Variants in PRLR observed in about 807,000 individuals in gnomAD.
The protein encoded by PRLR is hPRL receptor.
In PRLR, 13 loss-of-function variants were observed where a neutral mutation model predicts 40.2. The observed-to-expected ratio is 0.32, with a 90% confidence interval of 0.21 to 0.51. PRLR has a LOEUF of 0.51. PRLR is among the 20% of genes least tolerant of loss of function. The pLI is 0.97. For missense variants in PRLR, 656 were observed against 747.3 expected (o/e 0.88, Z 1.42); for synonymous variants, 269 against 278.7 (o/e 0.97, Z 0.35).
chr5:35,154,914 A>G (rs758745935), intron 1 of PRLR, among the ~76,000 whole-genome samples: 1 of 152,022 alleles, frequency 6.6e-6, no homozygotes, highest in Non-Finnish European at 1.5e-5. Flanking sequence ...ACATGTTTTC[A>G]CTTATTAGTG....
chr5:35,228,241 AAAAAAAAAAAAAGC>A (rs1776601771), intron 1 of PRLR, among the ~76,000 whole-genome samples: 1 of 133,026 alleles, frequency 7.5e-6, no homozygotes, highest in Admixed American at 7.6e-5. Context: ...GCAAAAAAAA[AAAAAAAAAAAAAGC>A]AGCATTATTT....
chr5:35,076,952 A>T (rs1212852096), intron 5 of PRLR, among the ~76,000 whole-genome samples: 1 of 152,220 alleles, frequency 6.6e-6, no homozygotes, highest in Non-Finnish European at 1.5e-5. Flanking sequence ...ACTAAGCTTC[A>T]TAAGTGAAGG....
intron 2 of PRLR, among the ~76,000 whole-genome samples, chr5:35,113,796 G>A (rs551372048): frequency 6.6e-6 from 1 of 152,364 alleles, no homozygotes; most frequent in South Asian, 2.1e-4. Flanking sequence ...AGGAGGCCAG[G>A]AGGGGTTGCC....
chr5:35,100,277 A>G (rs1055459084), intron 2 of PRLR, among the ~76,000 whole-genome samples: 1 of 152,154 alleles, frequency 6.6e-6, no homozygotes, highest in African/African-American at 2.4e-5. Context: ...GAAGAAAAAA[A>G]TTTAAAAAAA....
At chr5:35,049,774 AT>A (rs1389932273) in intron 8 of PRLR, among the ~76,000 whole-genome samples, 10 of 151,756 alleles carry the variant, frequency 6.6e-5, no homozygotes, top group Admixed American at 3.9e-4. Context: ...TTGACTAATT[AT>A]TTTTTTCTTC....
chr5:35,213,083 G>C (rs1474934385), intron 1 of PRLR, among the ~76,000 whole-genome samples: 1 of 152,122 alleles, frequency 6.6e-6, no homozygotes, highest in East Asian at 1.9e-4. Context: ...TGAATAATCA[G>C]AGCTACCTAT....
chr5:35,160,516 G>T (rs1774643932), intron 1 of PRLR, among the ~76,000 whole-genome samples: 1 of 152,172 alleles, frequency 6.6e-6, no homozygotes, highest in Non-Finnish European at 1.5e-5. Context: ...CTCCCCAAAA[G>T]TCAACCACCT....
At chr5:35,083,559 GC>G (rs1281900357) in intron 5 of PRLR, among the ~76,000 whole-genome samples, 1 of 149,556 alleles carries the variant, frequency 6.7e-6, no homozygotes, top group East Asian at 2.0e-4. Context: ...TCGCTCTGTG[GC>G]CCAGGCTGGA....
rs1205959629 is a variant in PRLR at position 35,057,630 on chromosome 5, T to C, written c.*7459A>G. 1.3e-5 allele frequency: 2 copies of C among 151,960 alleles called. No homozygotes were observed. The highest frequency in any genetic ancestry group is 2.4e-5 in the African/African-American group (1 of 41,374). 9.4% of individuals were successfully genotyped at this position (151,960 alleles called of 1,614,324 possible). A position where few individuals can be genotyped will look rare whatever the true frequency, so the allele number is the denominator to read the frequency against. On this transcript the variant is annotated 3_prime_UTR_variant, in exon 10 of 10. Coordinates refer to ENST00000618457, the MANE Select transcript of PRLR (RefSeq NM_000949.7). Reference sequence around the variant, plus strand: ...AACTACCCATGTTGTCCCCTCAAAATAGGAGGAGATAAATGAATAAAACCA... The same window carrying C: ...AACTACCCATGTTGTCCCCTCAAAACAGGAGGAGATAAATGAATAAAACCA...
chr5:35,059,114 C>T lies in PRLR; in HGVS notation c.*5975G>A, dbSNP rs1479698030. ...ACTCAGACTACATTTTGAGGTTTATCCAAGTGAAGCGTAATTTGACCATAA... is the reference window on the plus strand; with the variant it reads ...ACTCAGACTACATTTTGAGGTTTATTCAAGTGAAGCGTAATTTGACCATAA... On this transcript the variant is annotated 3_prime_UTR_variant, in exon 10 of 10. Coordinates refer to ENST00000618457, the MANE Select transcript of PRLR (RefSeq NM_000949.7). The T allele has an allele frequency of 2.6e-5, 4 of 152,076 alleles. No homozygotes were observed. Among genetic ancestry groups the T allele is most frequent in the African/African-American group, 7.2e-5 (3 of 41,430 alleles). 9.4% of individuals were successfully genotyped at this position (152,076 alleles called of 1,614,324 possible). A position where few individuals can be genotyped will look rare whatever the true frequency, so the allele number is the denominator to read the frequency against.
At chr5:35,227,344 G>A (rs575289840) in intron 1 of PRLR, among the ~76,000 whole-genome samples, 2 of 152,310 alleles carry the variant, frequency 1.3e-5, no homozygotes, top group East Asian at 3.9e-4. Flanking sequence ...GCCAAAGTCA[G>A]ACAGACCTGG....
intron 9 of PRLR, among the ~76,000 whole-genome samples, chr5:35,067,719 G>T (rs1473370025): frequency 6.6e-6 from 1 of 152,094 alleles, no homozygotes; most frequent in African/African-American, 2.4e-5. Flanking sequence ...GCCCAAATGG[G>T]TCCTGGCAAA....
At chr5:35,148,103 A>G (rs1407814222) in intron 1 of PRLR, among the ~76,000 whole-genome samples, 2 of 152,192 alleles carry the variant, frequency 1.3e-5, no homozygotes, top group African/African-American at 4.8e-5. Flanking sequence ...CTCCCTGAAT[A>G]TGACTACCTT....
chr5:35,114,608 G>A (rs1772896623), intron 2 of PRLR, among the ~76,000 whole-genome samples: 1 of 152,142 alleles, frequency 6.6e-6, no homozygotes, highest in Non-Finnish European at 1.5e-5. Context: ...GCTCTAAGTG[G>A]GCTCCGGGAG....
intron 1 of PRLR, among the ~76,000 whole-genome samples, chr5:35,126,057 A>G (rs1773451717): frequency 6.6e-6 from 1 of 152,228 alleles, no homozygotes; most frequent in Admixed American, 6.5e-5. Flanking sequence ...CTTCAGGGGT[A>G]GCTGCACTTG....
chr5:35,125,415 A>G (rs1365219441), intron 1 of PRLR, among the ~76,000 whole-genome samples: 1 of 152,236 alleles, frequency 6.6e-6, no homozygotes, highest in Non-Finnish European at 1.5e-5. Flanking sequence ...CTAGGGCTAC[A>G]CTAATAATTT....
rs568146064 is a variant in PRLR, at chr5:35,123,864, C to T, written c.-105-5742G>A. 5.0e-4 allele frequency among the ~76,000 whole-genome samples: 76 copies of T among 152,298 alleles called. 1 individual carries two copies. Among genetic ancestry groups the T allele is most frequent in the African/African-American group, 1.8e-3 (73 of 41,580 alleles). ...ATCATAGTATTTATGAGGCTTTAAA[C>T]GTGGAAACTTGTCAGGGATTGGACC... On this transcript the variant is annotated intron_variant, in intron 1 of 9. Transcript: ENST00000618457.
intron 1 of PRLR, among the ~76,000 whole-genome samples, chr5:35,211,902 T>C (rs1776177119): frequency 6.6e-6 from 1 of 152,210 alleles, no homozygotes. Flanking sequence ...TACTTGGCAT[T>C]AAGAGAGTCT....
At chr5:35,055,647 A>G (rs1489518074), downstream of PRLR, 3 of 152,206 alleles carry the variant, frequency 2.0e-5, no homozygotes, top group Non-Finnish European at 2.9e-5. Context: ...TTTCAAGTTA[A>G]ATTTTTCATG....
Sources: gnomAD v4.1 joint callset for allele counts (sites outside exome capture counted in the v4.1 genomes callset) on GRCh38, gnomAD v4.1.1 for gene constraint, MANE v1.5 for transcripts, NCBI Gene and HGNC (gene_info 2026-07-23, HGNC 2026-07-21) for gene names.